Variants in PLPPR1 observed in about 807,000 individuals in gnomAD.
PLPPR1 encodes phospholipid phosphatase-related protein type 1.
Under a neutral mutation model 33.1 loss-of-function variants are expected in PLPPR1, and 10 were observed. The ratio of observed to expected loss-of-function variants is 0.30; its 90% confidence interval spans 0.19 to 0.51. The LOEUF (loss-of-function observed/expected upper bound fraction) is 0.51, where lower values mean the gene tolerates loss of function less well. Among genes scored for constraint, PLPPR1 ranks in the 20% least tolerant of loss-of-function variants. The pLI, the probability that PLPPR1 is intolerant of heterozygous loss-of-function variation, is 0.97. For missense variants in PLPPR1, 304 were observed against 408.1 expected (o/e 0.74, Z 2.20); for synonymous variants, 151 against 151.0 (o/e 1.00, Z 0.00).
At chr9:101,158,340 GGAA>G (rs1410999534) in intron 1 of PLPPR1, among the ~76,000 whole-genome samples, 1 of 152,114 alleles carries the variant, frequency 6.6e-6, no homozygotes, top group Admixed American at 6.6e-5. Context: ...TTGTTTCCTA[GGAA>G]GAAGAAGAGG....
intron 5 of PLPPR1, 142 bp from the exon 6 acceptor site, chr9:101,312,656 T>C: frequency 1.7e-6 from 1 of 581,322 alleles, no homozygotes; most frequent in Non-Finnish European, 3.1e-6. Context: ...TTAATGGAGT[T>C]GTTCAAGGAA....
Position 101,156,120 on chromosome 9 carries a change from G to A in PLPPR1, c.-45-29330G>A, listed in dbSNP as rs1459974014. Reference sequence around the variant, plus strand: ...AAATGAATAGTCTAAAAGGAAGATGGGAATTCAGCATATATAATGGTTAAC... The same window carrying A: ...AAATGAATAGTCTAAAAGGAAGATGAGAATTCAGCATATATAATGGTTAAC... On this transcript the variant is annotated intron_variant, in intron 1 of 7. Transcript: ENST00000374874. Among the ~76,000 whole-genome samples, 3 of 152,102 alleles carry A rather than the reference G, an allele frequency of 2.0e-5. No individual in the cohort carries two copies. The East Asian group carries it at 5.8e-4, about 29-fold the overall frequency.
intron 1 of PLPPR1, among the ~76,000 whole-genome samples, chr9:101,041,973 G>A (rs143891666): frequency 2.0e-5 from 3 of 152,170 alleles, no homozygotes; most frequent in African/African-American, 7.2e-5. Flanking sequence ...CTTAAAAGAT[G>A]TTAGCTTTTA....
Position 101,124,489 on chromosome 9 carries a change from T to C in PLPPR1, c.-45-60961T>C, listed in dbSNP as rs543649706. Among the ~76,000 whole-genome samples the C allele has an allele frequency of 1.8e-3, 279 of 152,308 alleles. 1 individual carries two copies. Among genetic ancestry groups the C allele is most frequent in the Non-Finnish European group, 3.4e-3 (228 of 68,026 alleles). On this transcript the variant is annotated intron_variant, in intron 1 of 7. Coordinates refer to ENST00000374874, the MANE Select transcript of PLPPR1 (RefSeq NM_207299.2). ...GTTCCCATGTCATGGGGATTGCACC[T>C]ACATGGTTCATTCATCTCCTGCAAA...
intron 1 of PLPPR1, among the ~76,000 whole-genome samples, chr9:101,084,834 T>A (rs934745159): frequency 6.6e-6 from 1 of 152,168 alleles, no homozygotes; most frequent in African/African-American, 2.4e-5. Flanking sequence ...GTGACATCGA[T>A]GAATATGACA....
chr9:101,185,388 T>C, intron 1 of PLPPR1, 62 bp from the exon 2 acceptor site: 1 of 587,922 alleles, frequency 1.7e-6, no homozygotes, highest in South Asian at 2.9e-5. Context: ...TATTTTTATG[T>C]AAGTACCTAA....
At chr9:101,218,475 A>G (rs947864803) in intron 2 of PLPPR1, among the ~76,000 whole-genome samples, 5 of 152,158 alleles carry the variant, frequency 3.3e-5, no homozygotes, top group Non-Finnish European at 2.9e-5. Context: ...TGAGCAAGGT[A>G]CTTGACCTAT....
chr9:101,107,802 T>C (rs946043733), intron 1 of PLPPR1, among the ~76,000 whole-genome samples: 10 of 146,200 alleles, frequency 6.8e-5, no homozygotes, highest in South Asian at 2.3e-4. Flanking sequence ...ATCAGCGAGA[T>C]TCCGTGGGCG....
rs551153434 is a variant in PLPPR1 at position 101,292,096 on chromosome 9, AG to A, written c.385+5862del. Among the ~76,000 whole-genome samples the A allele has an allele frequency of 5.4e-4, 82 of 152,368 alleles. 1 individual carries two copies. In the East Asian group the frequency reaches 0.013, roughly 25 times the overall value. On this transcript the variant is annotated intron_variant, in intron 4 of 7. Coordinates refer to ENST00000374874, the MANE Select transcript of PLPPR1 (RefSeq NM_207299.2). ...ATAACCAATACAGAGAAGTGCTTAA[AG>A]GAGCTGATGGAGCTGCAAGCCAAGG... is the stretch of plus-strand genomic sequence containing the variant.
intron 1 of PLPPR1, among the ~76,000 whole-genome samples, chr9:101,127,490 A>C (rs1831260238): frequency 6.6e-6 from 1 of 152,220 alleles, no homozygotes; most frequent in Non-Finnish European, 1.5e-5. Context: ...GAAAAGGCAC[A>C]TTGCATTAAG....
rs189062300 is a variant in PLPPR1 at position 101,189,663 on chromosome 9, T to C, written c.63+4106T>C. ...GTTTGTCACTAATTCTGTAAAACTC[T>C]CAACCATTGCTGCTTCAAATATCTT... On this transcript the variant is annotated intron_variant, in intron 2 of 7. Transcript: ENST00000374874. 1.4e-4 allele frequency among the ~76,000 whole-genome samples: 21 copies of C among 152,256 alleles called. No individual in the cohort carries two copies. In the East Asian group the frequency reaches 3.7e-3, roughly 27 times the overall value.
At chr9:101,092,646 T>C (rs1030230775) in intron 1 of PLPPR1, among the ~76,000 whole-genome samples, 5 of 152,114 alleles carry the variant, frequency 3.3e-5, no homozygotes, top group African/African-American at 9.7e-5. Flanking sequence ...GTCTCTGAAG[T>C]GAATTCCCAT....
intron 2 of PLPPR1, among the ~76,000 whole-genome samples, chr9:101,210,051 A>G (rs1402996066): frequency 6.6e-6 from 1 of 152,258 alleles, no homozygotes; most frequent in Non-Finnish European, 1.5e-5. Flanking sequence ...GATTATTTTT[A>G]GAATTATAAA....
chr9:101,108,044 T>A (rs988185038), intron 1 of PLPPR1, among the ~76,000 whole-genome samples: 3 of 149,350 alleles, frequency 2.0e-5, no homozygotes, highest in African/African-American at 7.5e-5. Context: ...CTGCGCCCAC[T>A]GTCTGGCACT....
At chr9:101,234,174 C>G (rs1827247328) in intron 2 of PLPPR1, among the ~76,000 whole-genome samples, 1 of 151,840 alleles carries the variant, frequency 6.6e-6, no homozygotes, top group Non-Finnish European at 1.5e-5. Context: ...AGTTCTTATC[C>G]TTTTCCACGT....
chr9:101,059,581 A>C (rs1031552088), intron 1 of PLPPR1, among the ~76,000 whole-genome samples: 4 of 152,146 alleles, frequency 2.6e-5, no homozygotes, highest in Non-Finnish European at 5.9e-5. Context: ...TAAGAGGTTA[A>C]TATCCAAAAT....
intron 1 of PLPPR1, among the ~76,000 whole-genome samples, chr9:101,137,119 C>T (rs1831386852): frequency 6.6e-6 from 1 of 152,114 alleles, no homozygotes; most frequent in Non-Finnish European, 1.5e-5. Flanking sequence ...TGTAGACATA[C>T]TACATACCCA....
chr9:101,143,871 G>T (rs755677413), intron 1 of PLPPR1, among the ~76,000 whole-genome samples: 9 of 152,224 alleles, frequency 5.9e-5, no homozygotes, highest in South Asian at 2.1e-4. Flanking sequence ...AGACAGTGTG[G>T]TGATTCCTCA....
intron 1 of PLPPR1, among the ~76,000 whole-genome samples, chr9:101,180,807 G>T (rs866644249): frequency 2.6e-5 from 4 of 151,770 alleles, no homozygotes; most frequent in Non-Finnish European, 5.9e-5. Context: ...CAAGAGAAAT[G>T]CTTCACAATA....
Sources: gnomAD v4.1 joint callset for allele counts (sites outside exome capture counted in the v4.1 genomes callset) on GRCh38, gnomAD v4.1.1 for gene constraint, MANE v1.5 for transcripts, NCBI Gene and HGNC (gene_info 2026-07-23, HGNC 2026-07-21) for gene names.